The following BCAS3 variants were observed in gnomAD, a reference collection of about 807,000 sequenced individuals.
BCAS3 encodes BCAS3 microtubule associated cell migration factor, also known as BCAS4/BCAS3 fusion.
In BCAS3, 53 loss-of-function variants were observed where a neutral mutation model predicts 116.1. The observed-to-expected ratio is 0.46, with a 90% CI of 0.37 to 0.57. BCAS3 has a LOEUF of 0.57. Ranked by LOEUF, BCAS3 falls within the 20% of genes least tolerant of loss-of-function variation. The pLI is 0.00. For missense variants in BCAS3, 917 were observed against 1,165.4 expected (o/e 0.79, Z 3.10); for synonymous variants, 391 against 408.2 (o/e 0.96, Z 0.51).
intron 7 of BCAS3, among the ~76,000 whole-genome samples, chr17:60,828,666 A>G (rs2050644353): frequency 6.6e-6 from 1 of 152,152 alleles, no homozygotes; most frequent in South Asian, 2.1e-4. Context: ...TGATTTTAAG[A>G]TGTTTTCTAA....
chr17:60,944,613 TAAGAAAATATTC>T (rs1267089615), intron 13 of BCAS3, among the ~76,000 whole-genome samples: 3 of 151,964 alleles, frequency 2.0e-5, no homozygotes, highest in South Asian at 2.1e-4. Context: ...GGGACACAGA[TAAGAAAATATTC>T]AAGAAAATAT....
At chr17:61,025,520 T>C (rs2066176977) in intron 16 of BCAS3, among the ~76,000 whole-genome samples, 1 of 152,096 alleles carries the variant, frequency 6.6e-6, no homozygotes, top group African/African-American at 2.4e-5. Flanking sequence ...ATTAAATTAT[T>C]GTTTCTGTCT....
At chr17:60,922,072 A>G (rs984277908) in intron 12 of BCAS3, among the ~76,000 whole-genome samples, 1 of 152,290 alleles carries the variant, frequency 6.6e-6, no homozygotes, top group African/African-American at 2.4e-5. Flanking sequence ...TAAATACCTA[A>G]CAACACAGCC....
At chr17:61,312,074 C>T (rs573264117) in intron 22 of BCAS3, among the ~76,000 whole-genome samples, 6 of 152,172 alleles carry the variant, frequency 3.9e-5, no homozygotes, top group Non-Finnish European at 7.4e-5. Context: ...AGGGGAGAAT[C>T]GTTTGATCTC....
At chr17:61,067,589 A>C (rs1346544192) in intron 19 of BCAS3, among the ~76,000 whole-genome samples, 1 of 149,998 alleles carries the variant, frequency 6.7e-6, no homozygotes. Context: ...TGTGGTGCGC[A>C]CCTGTAATCC....
intron 10 of BCAS3, among the ~76,000 whole-genome samples, chr17:60,898,385 C>T (rs1282682041): frequency 6.6e-6 from 1 of 151,958 alleles, no homozygotes; most frequent in Non-Finnish European, 1.5e-5. Flanking sequence ...GAAGATATAT[C>T]TATAGTACTG....
At chr17:61,245,060 A>G (rs2047828073) in intron 22 of BCAS3, among the ~76,000 whole-genome samples, 1 of 152,164 alleles carries the variant, frequency 6.6e-6, no homozygotes, top group South Asian at 2.1e-4. Flanking sequence ...TTTATAAAGG[A>G]AAGAGGTTTA....
chr17:61,035,926 A>G (rs2066992882), intron 17 of BCAS3, among the ~76,000 whole-genome samples: 2 of 152,092 alleles, frequency 1.3e-5, no homozygotes, highest in South Asian at 4.2e-4. Flanking sequence ...GAAGCTTATG[A>G]ATTGTTTATT....
Position 61,239,559 on chromosome 17 carries a change from A to G in BCAS3, c.2426-128768A>G, listed in dbSNP as rs1427197412. ...CATTTTATCAGTGGCTCCAAGATTA[A>G]TATAAAAAGAGAACTTCATTTACTC... On this transcript the variant is annotated intron_variant, in intron 22 of 23. Transcript: ENST00000407086. This position sits in a 1 kb window ranked among gnomAD's most constrained non-coding sequence, Gnocchi z 4.2. 1.3e-5 allele frequency among the ~76,000 whole-genome samples: 2 copies of G among 152,204 alleles called. No homozygotes were observed. The highest frequency in any genetic ancestry group is 3.8e-4 in the East Asian group (2 of 5,196).
Position 61,051,142 on chromosome 17 carries a change from C to T in BCAS3, c.2029+10250C>T, listed in dbSNP as rs1472175461. Among the ~76,000 whole-genome samples, 1 of 151,906 alleles carries T rather than the reference C, an allele frequency of 6.6e-6. No individual in the cohort carries two copies. Among genetic ancestry groups the T allele is most frequent in the Non-Finnish European group, 1.5e-5 (1 of 67,884 alleles). ...CAGATTTTTTTACAAGTGGATTGAGCTATTAATACTTGGGACACGTTTGAT... is the reference window on the plus strand; with the variant it reads ...CAGATTTTTTTACAAGTGGATTGAGTTATTAATACTTGGGACACGTTTGAT... On this transcript the variant is annotated intron_variant, in intron 19 of 23. Transcript: ENST00000407086. This position sits in a 1 kb window ranked among gnomAD's most constrained non-coding sequence, Gnocchi z 4.1.
At position 61,256,250 on chromosome 17, in the gene BCAS3, TTTTG is replaced by T. The variant is rs75288690; in HGVS notation, c.2426-112049_2426-112046del. Among the ~76,000 whole-genome samples the T allele has an allele frequency of 0.03, 4,604 of 151,668 alleles. 175 individuals are homozygous for T. Among genetic ancestry groups the T allele is most frequent in the African/African-American group, 0.097 (4,024 of 41,330 alleles). On this transcript the variant is annotated intron_variant, in intron 22 of 23. Coordinates refer to ENST00000407086, the MANE Select transcript of BCAS3 (RefSeq NM_017679.5). This position sits in a 1 kb window ranked among gnomAD's most constrained non-coding sequence, Gnocchi z 5.6. ...TCTTCAAGCCAAGAGGTAGTTTGGT[TTTTG>T]TTTGTTTGTTTGTTTGTTTGTTTGT...
chr17:60,860,697 C>G (rs1052330477), intron 7 of BCAS3, among the ~76,000 whole-genome samples: 5 of 152,166 alleles, frequency 3.3e-5, no homozygotes, highest in African/African-American at 1.2e-4. Context: ...CAGTTTCAAT[C>G]TCCTGCATAT....
chr17:60,702,164 A>G (rs1213405593), intron 4 of BCAS3, among the ~76,000 whole-genome samples: 1 of 152,214 alleles, frequency 6.6e-6, no homozygotes, highest in African/African-American at 2.4e-5. Context: ...ATTGAATGCA[A>G]TTGAATTTTA....
chr17:60,949,859 T>C (rs141358057), intron 14 of BCAS3, among the ~76,000 whole-genome samples: 1 of 152,310 alleles, frequency 6.6e-6, no homozygotes, highest in East Asian at 1.9e-4. Flanking sequence ...AACAACACCA[T>C]GAAAATGCAA....
Position 61,282,233 on chromosome 17 carries a change from A to T in BCAS3, c.2426-86094A>T, listed in dbSNP as rs535124244. Among the ~76,000 whole-genome samples, 1 of 152,306 alleles carries T rather than the reference A, an allele frequency of 6.6e-6. No homozygotes were observed. The highest frequency in any genetic ancestry group is 1.9e-4 in the East Asian group (1 of 5,192). On this transcript the variant is annotated intron_variant, in intron 22 of 23. Coordinates refer to ENST00000407086, the MANE Select transcript of BCAS3 (RefSeq NM_017679.5). The surrounding 1 kb of genome is among the most constrained non-coding windows in gnomAD (Gnocchi z 5.9). ...CTAATTGGTCTCAGGTTTGAAATAA[A>T]ATTTGTCTCTAGGAAAAAGCAAAGC...
At position 61,083,578 on chromosome 17, in the gene BCAS3, C is replaced by T. The variant is rs2072822219; in HGVS notation, c.2328-889C>T. On this transcript the variant is annotated intron_variant, in intron 21 of 23. Transcript: ENST00000407086. The surrounding 1 kb of genome is among the most constrained non-coding windows in gnomAD (Gnocchi z 4.9). ...CTAGAAAGAGACACTCGGCATTTGG[C>T]ATTTATATGTTTATTATTCTTTTTT... is the stretch of plus-strand genomic sequence containing the variant. 1.3e-5 allele frequency among the ~76,000 whole-genome samples: 2 copies of T among 150,816 alleles called. No homozygotes were observed. Among genetic ancestry groups the T allele is most frequent in the African/African-American group, 4.9e-5 (2 of 40,968 alleles).
chr17:60,832,438 A>C lies in BCAS3; in HGVS notation c.476+24362A>C, dbSNP rs73990993. Among the ~76,000 whole-genome samples, 396 of 152,344 alleles carry C rather than the reference A, an allele frequency of 2.6e-3. 4 individuals are homozygous for C. The Middle Eastern group carries it at 0.031, about 12-fold the overall frequency. ...CAGAATATTGTGACAGGATTTAAAA[A>C]AAATTTCTCAGTTACCACCCACCTC... On this transcript the variant is annotated intron_variant, in intron 7 of 23. Transcript: ENST00000407086.
At chr17:60,787,589 T>A (rs991764645) in intron 6 of BCAS3, among the ~76,000 whole-genome samples, 24 of 152,266 alleles carry the variant, frequency 1.6e-4, no homozygotes, top group Admixed American at 5.2e-4. Context: ...CAGTATATAA[T>A]GTGCACAATA....
rs8079657 is a variant in BCAS3, at chr17:61,253,559, G to T, written c.2426-114768G>T. On this transcript the variant is annotated intron_variant, in intron 22 of 23. Transcript: ENST00000407086. ...ACAGTTGCTACATCAGCAGTCCCAG[G>T]AACTTGGCCTACGGCCTAGGCATGG... is the stretch of plus-strand genomic sequence containing the variant. 8.3e-3 allele frequency among the ~76,000 whole-genome samples: 1,258 copies of T among 152,012 alleles called. 18 individuals are homozygous for T. Among genetic ancestry groups the T allele is most frequent in the African/African-American group, 0.028 (1,175 of 41,426 alleles).
Sources: allele counts gnomAD v4.1 joint callset (sites outside exome capture counted in the v4.1 genomes callset), GRCh38; gene constraint gnomAD v4.1.1; non-coding constraint Gnocchi (gnomAD v3.1); transcripts MANE v1.5; gene names NCBI Gene and HGNC (gene_info 2026-07-23, HGNC 2026-07-21).